Variants in SCARF1 observed in about 807,000 individuals in gnomAD.
SCARF1 encodes the protein acetyl LDL receptor.
SCARF1 carries 49 observed loss-of-function variants against 76.3 expected under a neutral mutation model. The observed-to-expected ratio is 0.64, with a 90% CI of 0.51 to 0.81. The LOEUF (loss-of-function observed/expected upper bound fraction) is 0.81. SCARF1 is among the 40% of genes least tolerant of loss of function. The pLI, the probability that SCARF1 is intolerant of heterozygous loss-of-function variation, is 0.00. For synonymous variants in SCARF1, 495 were observed against 474.6 expected (o/e 1.04, Z -0.56); for missense variants, 1,098 against 1,143.9 (o/e 0.96, Z 0.58).
rs1910314978 is a variant in SCARF1 at position 1,643,918 on chromosome 17, G to A, written c.315C>T (p.Cys105=). The A allele has an allele frequency of 7.4e-7, 1 of 1,348,438 alleles. No homozygotes were observed. Among genetic ancestry groups the A allele is most frequent in the African/African-American group, 1.5e-5 (1 of 65,818 alleles). 83.5% of individuals were successfully genotyped at this position (1,348,438 alleles called of 1,614,324 possible). A position where few individuals can be genotyped will look rare whatever the true frequency, so the allele number is the denominator to read the frequency against. Residue 105 remains cysteine (C), a synonymous_variant, in exon 4 of 11, where the codon TGC becomes TGT. Coordinates refer to ENST00000263071, the MANE Select transcript of SCARF1 (RefSeq NM_003693.4). ...CTGGCTCGCACTGGCCGTGCGGGTG[G>A]CAGGGGCAGCTCTCACGGCAGTCGG... ...WGPDCRESCP[C]HPHGQCEPAT...
chr17:1,636,777 G>C lies in SCARF1; in HGVS notation c.1565C>G (p.Ser522Cys), dbSNP rs377700335. ...PPSAGWATDD[S>C]FSSDPESGEA... ...TCCAGACTCAGGATCGGATGAGAAG[G>C]AGTCATCAGTGGCCCAGCCGGCAGA... Residue 522 changes from serine (S) to cysteine (C), a missense_variant, in exon 10 of 11, where the codon TCC (serine) becomes TGC (cysteine). Physicochemically the swap from Ser to Cys is moderately radical, Grantham distance 112 (BLOSUM62 -1). Coordinates refer to ENST00000263071, the MANE Select transcript of SCARF1 (RefSeq NM_003693.4). 1 of 1,613,984 alleles carries C rather than the reference G, an allele frequency of 6.2e-7. No homozygotes were observed. Among genetic ancestry groups the C allele is most frequent in the African/African-American group, 1.3e-5 (1 of 74,878 alleles).
intron 4 of SCARF1, 56 bp downstream of exon 4, chr17:1,643,382 CTGCT>C (rs1479607223): frequency 1.1e-6 from 1 of 933,372 alleles, no homozygotes; most frequent in African/African-American, 2.1e-5. Flanking sequence ...CCCGCCCCGC[CTGCT>C]CACTTGTGTC....
In SCARF1 at chr17:1,640,549, G is replaced by A. The variant is rs769238725; in HGVS notation, c.909C>T (p.Gly303=). The change falls in exon 5 of 11, where the codon GGC becomes GGT. Residue 303 remains glycine (G), a synonymous_variant. Transcript: ENST00000263071. This position sits in a 1 kb window ranked among gnomAD's most constrained non-coding sequence, Gnocchi z 4.7. The part of the protein sequence containing the change: ...CQQPCLPGTF[G]ESCEQQCPHC... ...GAGGGCACTGCTGTTCGCAGCTCTC[G>A]CCAAAGGTGCCAGGCAGGCAGGGCT... 12 of 1,607,540 alleles carry A rather than the reference G, an allele frequency of 7.5e-6. No homozygotes were observed. The highest frequency in any genetic ancestry group is 3.4e-4 in the Middle Eastern group (2 of 5,808).
In SCARF1 at chr17:1,639,583, T is replaced by C. The variant is rs966826856; in HGVS notation, c.1243+56A>G. 1.8e-4 allele frequency: 232 copies of C among 1,270,718 alleles called. 1 individual carries two copies. The highest frequency in any genetic ancestry group is 2.5e-4 in the Non-Finnish European group (223 of 893,052). The allele number at this position is 1,270,718 out of a possible 1,614,324, so 78.7% of individuals were successfully genotyped here. The stretch of plus-strand genomic sequence containing the variant: ...GGTGAGGAACTTGCCCTGGAGCCCA[T>C]GTGAAGGGCCCGCCTTTCCCTGGCT... On this transcript the variant is annotated intron_variant, in intron 7 of 10. Transcript: ENST00000263071.
At chr17:1,637,462 T>TTC (rs142680719) in intron 8 of SCARF1, among the ~76,000 whole-genome samples, 4,275 of 148,804 alleles carry the variant, frequency 0.029, 165 homozygotes, top group African/African-American at 0.092. Context: ...CAGCTCACGT[T>TTC]TCTCTCTCTC....
In SCARF1 at chr17:1,635,021, C is replaced by G; in HGVS notation, c.2230G>C (p.Gly744Arg). ...TGGCCGACAGAGCCAGAGGCAAGGCCAGGGCTGCCCTTTTTCCGATTCAGG... is the reference window on the plus strand; with the variant it reads ...TGGCCGACAGAGCCAGAGGCAAGGCGAGGGCTGCCCTTTTTCCGATTCAGG... ...QALNRKKGSPGLASGSVGQSP... is the reference protein window; with the variant it reads ...QALNRKKGSPRLASGSVGQSP... Residue 744 changes from glycine (G) to arginine (R), a missense_variant, in exon 11 of 11, where the codon GGC (glycine) becomes CGC (arginine). Coordinates refer to ENST00000263071, the MANE Select transcript of SCARF1 (RefSeq NM_003693.4). The G allele has an allele frequency of 6.2e-7, 1 of 1,613,904 alleles. No homozygotes were observed. Among genetic ancestry groups the G allele is most frequent in the Non-Finnish European group, 8.5e-7 (1 of 1,179,890 alleles).
In SCARF1 at chr17:1,635,613, C is replaced by T; in HGVS notation, c.1638G>A (p.Met546Ile). Residue 546 changes from methionine (M) to isoleucine (I), a missense_variant, in exon 11 of 11, where the codon ATG becomes ATA. By Grantham distance (10) the Met-to-Ile change is conservative. Coordinates refer to ENST00000263071, the MANE Select transcript of SCARF1 (RefSeq NM_003693.4). ...PAYCVPPQEGMVPVAQAGSSE... is the reference protein window; with the variant it reads ...PAYCVPPQEGIVPVAQAGSSE... Reference sequence around the variant, plus strand: ...ACGACCCTGCCTGGGCCACAGGGACCATCCCTGGCAGAGGAGACAGAAGAG... The same window carrying T: ...ACGACCCTGCCTGGGCCACAGGGACTATCCCTGGCAGAGGAGACAGAAGAG... 3 of 1,599,636 alleles carry T rather than the reference C, an allele frequency of 1.9e-6. No homozygotes were observed. Among genetic ancestry groups the T allele is most frequent in the East Asian group, 2.2e-5 (1 of 44,860 alleles).
rs1216841843 is a variant in SCARF1, at chr17:1,644,811, T to C, written c.265+23A>G. On this transcript the variant is annotated intron_variant, in intron 3 of 10. Transcript: ENST00000263071. This position sits in a 1 kb window ranked among gnomAD's most constrained non-coding sequence, Gnocchi z 4.8. ...CCCGTACCCAGCTCTGCCCAGCAACTTCATCTGGCCCTTGAGACTCACGGG... is the reference window on the plus strand; with the variant it reads ...CCCGTACCCAGCTCTGCCCAGCAACCTCATCTGGCCCTTGAGACTCACGGG... 6.9e-6 allele frequency: 11 copies of C among 1,604,722 alleles called. No individual in the cohort carries two copies. Among genetic ancestry groups the C allele is most frequent in the Admixed American group, 6.8e-5 (4 of 58,696 alleles).
rs1474645298 is a variant in SCARF1, at chr17:1,643,489, G to A, written c.744C>T (p.Cys248=). Residue 248 remains cysteine (C), a synonymous_variant, in exon 4 of 11, where the codon TGC becomes TGT. Coordinates refer to ENST00000263071, the MANE Select transcript of SCARF1 (RefSeq NM_003693.4). ...TCPPGFRGAR[C]ELPCPAGSHG... ...GGCTGCCTGCCGGGCAGGGCAGCTC[G>A]CAGCGCGCTCCGCGGAAGCCGGGCG... The A allele has an allele frequency of 7.5e-7, 1 of 1,332,450 alleles. No homozygotes were observed. Among genetic ancestry groups the A allele is most frequent in the Non-Finnish European group, 9.5e-7 (1 of 1,048,954 alleles). 82.5% of individuals were successfully genotyped at this position (1,332,450 alleles called of 1,614,324 possible). A position where few individuals can be genotyped will look rare whatever the true frequency, so the allele number is the denominator to read the frequency against.
rs889287751 is a variant in SCARF1 at position 1,635,690 on chromosome 17, A to G, written c.1634-73T>C. The G allele has an allele frequency of 8.1e-6, 12 of 1,490,330 alleles. No homozygotes were observed. In the African/African-American group the frequency reaches 1.1e-4, roughly 14 times the overall value. 92.3% of individuals were successfully genotyped at this position (1,490,330 alleles called of 1,614,324 possible). A position where few individuals can be genotyped will look rare whatever the true frequency, so the allele number is the denominator to read the frequency against. ...CAATGCATCCTACCCACAGCTCAGC[A>G]TCTTCCAGGAGGCCTCAAAAATAGG... On this transcript the variant is annotated intron_variant, in intron 10 of 10. Transcript: ENST00000263071.
chr17:1,643,999 G>T, intron 3 of SCARF1, 32 bp from the exon 4 acceptor site: 1 of 1,300,558 alleles, frequency 7.7e-7, no homozygotes, highest in Non-Finnish European at 9.8e-7. Context: ...GGGTCAGCGG[G>T]CTCAGGGCCG....
chr17:1,641,642 C>T (rs1232132530), intron 4 of SCARF1, among the ~76,000 whole-genome samples: 2 of 152,176 alleles, frequency 1.3e-5, no homozygotes, highest in African/African-American at 4.8e-5. Context: ...TTGGGTCAGA[C>T]CCATTAGTAG....
Position 1,635,547 on chromosome 17 carries a change from C to T in SCARF1, c.1704G>A (p.Glu568=), listed in dbSNP as rs1333792086. The change falls in exon 11 of 11, where the codon GAG becomes GAA. Residue 568 remains glutamate (E), a synonymous_variant. Coordinates refer to ENST00000263071, the MANE Select transcript of SCARF1 (RefSeq NM_003693.4). ...SLAAGAFPPP[E]DASTPFAIPR... is the part of the protein sequence containing the mutation. ...GGATGGCGAATGGCGTGGAGGCGTC[C>T]TCAGGGGGCGGGAAAGCACCTGCAG... 4.5e-5 allele frequency: 72 copies of T among 1,612,410 alleles called. No individual in the cohort carries two copies. The highest frequency in any genetic ancestry group is 5.9e-5 in the Non-Finnish European group (70 of 1,180,006).
In SCARF1 at chr17:1,644,776, C is replaced by T. The variant is rs1470287568; in HGVS notation, c.265+58G>A. 2 of 1,523,366 alleles carry T rather than the reference C, an allele frequency of 1.3e-6. No homozygotes were observed. Among genetic ancestry groups the T allele is most frequent in the East Asian group, 4.7e-5 (2 of 42,832 alleles). The allele number at this position is 1,523,366 out of a possible 1,614,324, so 94.4% of individuals were successfully genotyped here. ...TGGCTACCTGCCTCGCCTGCTCCCACACCACTGCCCCCGTACCCAGCTCTG... is the reference window on the plus strand; with the variant it reads ...TGGCTACCTGCCTCGCCTGCTCCCATACCACTGCCCCCGTACCCAGCTCTG... On this transcript the variant is annotated intron_variant, in intron 3 of 10. Transcript: ENST00000263071. The surrounding 1 kb of genome is among the most constrained non-coding windows in gnomAD (Gnocchi z 4.8).
chr17:1,645,263 C>T lies in SCARF1; in HGVS notation c.102-24G>A, dbSNP rs756814337. ...GGCTGTGGGGCAAAAAGGGGTCAGC[C>T]GGACATGGTGGGGGGTGCAGCCTGG... On this transcript the variant is annotated intron_variant, in intron 1 of 10. Coordinates refer to ENST00000263071, the MANE Select transcript of SCARF1 (RefSeq NM_003693.4). The surrounding 1 kb of genome is among the most constrained non-coding windows in gnomAD (Gnocchi z 6.3). 39 of 1,611,498 alleles carry T rather than the reference C, an allele frequency of 2.4e-5. No individual in the cohort carries two copies. The highest frequency in any genetic ancestry group is 2.0e-4 in the South Asian group (18 of 90,984).
In SCARF1 at chr17:1,635,263, G is replaced by T; in HGVS notation, c.1988C>A (p.Pro663His). Residue 663 changes from proline (P) to histidine (H), a missense_variant, in exon 11 of 11, where the codon CCC (proline) becomes CAC (histidine). Transcript: ENST00000263071. ...AGCCACTGTCCGGCCACCAAGTGGG[G>T]GCCGCCGGTGGCCAGTGGCTGAATC... ...PGDSATGHRR[P>H]PLGGRTVAEH... 1 of 1,611,718 alleles carries T rather than the reference G, an allele frequency of 6.2e-7. No individual in the cohort carries two copies. Among genetic ancestry groups the T allele is most frequent in the Non-Finnish European group, 8.5e-7 (1 of 1,178,986 alleles).
At chr17:1,636,681 G>T in intron 10 of SCARF1, 28 bp downstream of exon 10, 1 of 1,611,628 alleles carries the variant, frequency 6.2e-7, no homozygotes. Context: ...GGGCTGCTCA[G>T]GGGCTATGTG....
intron 4 of SCARF1, among the ~76,000 whole-genome samples, chr17:1,641,104 A>C (rs73976247): frequency 7.2e-5 from 11 of 152,184 alleles, no homozygotes; most frequent in Admixed American, 7.2e-4. Context: ...CAAAAAATGT[A>C]AAGTGTTTTC....
chr17:1,637,464 C>T (rs1298316355), intron 8 of SCARF1, among the ~76,000 whole-genome samples: 1 of 148,304 alleles, frequency 6.7e-6, no homozygotes, highest in Non-Finnish European at 1.5e-5. Flanking sequence ...GCTCACGTTT[C>T]TCTCTCTCTC....
Sources: allele counts gnomAD v4.1 joint callset (sites outside exome capture counted in the v4.1 genomes callset), GRCh38; gene constraint gnomAD v4.1.1; non-coding constraint Gnocchi (gnomAD v3.1); transcripts MANE v1.5; gene names NCBI Gene and HGNC (gene_info 2026-07-23, HGNC 2026-07-21).